Variants in UST observed in about 807,000 individuals in gnomAD.
UST encodes uronyl 2-sulfotransferase.
UST carries 21 observed loss-of-function variants against 45.6 expected under a neutral mutation model. The observed-to-expected ratio is 0.46, with a 90% confidence interval of 0.33 to 0.66. UST has a LOEUF of 0.66. Ranked by LOEUF, UST falls within the 30% of genes least tolerant of loss-of-function variation. The pLI is 0.02. For synonymous variants in UST, 215 were observed against 200.6 expected (o/e 1.07, Z -0.61); for missense variants, 463 against 512.4 (o/e 0.90, Z 0.93).
intron 5 of UST, among the ~76,000 whole-genome samples, chr6:149,002,321 C>A (rs1398907269): frequency 6.6e-6 from 1 of 151,754 alleles, no homozygotes; most frequent in Admixed American, 6.6e-5. Context: ...ATGTAAGGTG[C>A]AGAAATTAAG....
intron 5 of UST, among the ~76,000 whole-genome samples, chr6:149,018,422 G>A (rs2115018532): frequency 6.6e-6 from 1 of 152,260 alleles, no homozygotes; most frequent in South Asian, 2.1e-4. Flanking sequence ...ACCTGAGAAT[G>A]AGGCATGTCT....
intron 2 of UST, among the ~76,000 whole-genome samples, chr6:148,905,427 C>G (rs1359367173): frequency 6.6e-6 from 1 of 152,208 alleles, no homozygotes; most frequent in Admixed American, 6.5e-5. Flanking sequence ...TTCCTCCACT[C>G]CATGGAAACA....
At chr6:148,906,153 T>C (rs1202382130) in intron 2 of UST, among the ~76,000 whole-genome samples, 1 of 148,486 alleles carries the variant, frequency 6.7e-6, no homozygotes, top group East Asian at 1.9e-4. Flanking sequence ...ACGTGAAGCA[T>C]CACAGGTGAT....
At chr6:148,766,596 G>C (rs1776329479) in intron 1 of UST, among the ~76,000 whole-genome samples, 1 of 152,214 alleles carries the variant, frequency 6.6e-6, no homozygotes, top group African/African-American at 2.4e-5. Flanking sequence ...TGAACAGGGG[G>C]AGTTAAAAGA....
chr6:148,913,647 T>A (rs1202021918), intron 2 of UST, among the ~76,000 whole-genome samples: 2 of 152,126 alleles, frequency 1.3e-5, no homozygotes, highest in Non-Finnish European at 2.9e-5. Flanking sequence ...CTGATTCCAA[T>A]GCTTTGGCTT....
intron 5 of UST, among the ~76,000 whole-genome samples, chr6:148,984,513 T>C (rs1781201927): frequency 6.6e-6 from 1 of 152,178 alleles, no homozygotes; most frequent in East Asian, 1.9e-4. Context: ...CATGATAGGA[T>C]TTGCATTTAT....
intron 4 of UST, among the ~76,000 whole-genome samples, chr6:148,957,456 T>A (rs1383702067): frequency 6.6e-6 from 1 of 152,218 alleles, no homozygotes; most frequent in Non-Finnish European, 1.5e-5. Flanking sequence ...ACATTACTTT[T>A]TTTTGAGATG....
chr6:148,906,475 G>GT (rs1779363146), intron 2 of UST, among the ~76,000 whole-genome samples: 1 of 152,180 alleles, frequency 6.6e-6, no homozygotes, highest in African/African-American at 2.4e-5. Flanking sequence ...AATGGACAAG[G>GT]TATGAGGGTT....
intron 7 of UST, among the ~76,000 whole-genome samples, chr6:149,057,122 A>C (rs1776576149): frequency 6.6e-6 from 1 of 152,272 alleles, no homozygotes; most frequent in South Asian, 2.1e-4. Flanking sequence ...TGCATTTTGA[A>C]TTAACTATAA....
intron 1 of UST, among the ~76,000 whole-genome samples, chr6:148,844,686 G>A (rs759968791): frequency 8.6e-5 from 13 of 151,870 alleles, no homozygotes; most frequent in Non-Finnish European, 1.6e-4. Flanking sequence ...TTTTATTTTA[G>A]ATACAGGGGT....
intron 1 of UST, among the ~76,000 whole-genome samples, chr6:148,750,868 C>A (rs1775976680): frequency 6.6e-6 from 1 of 152,230 alleles, no homozygotes; most frequent in South Asian, 2.1e-4. Flanking sequence ...GTTGGTCGGA[C>A]TCGCATCTTC....
intron 1 of UST, among the ~76,000 whole-genome samples, chr6:148,832,627 G>A (rs1162316347): frequency 6.6e-6 from 1 of 152,214 alleles, no homozygotes; most frequent in Non-Finnish European, 1.5e-5. Flanking sequence ...TGGTGATTTA[G>A]TTGTTTGGAG....
chr6:149,011,478 G>T (rs553237876), intron 5 of UST, among the ~76,000 whole-genome samples: 2 of 152,306 alleles, frequency 1.3e-5, no homozygotes, highest in South Asian at 2.1e-4. Context: ...TAATTGGATT[G>T]TTTGTAATAC....
chr6:148,824,634 C>T (rs1018271120), intron 1 of UST, among the ~76,000 whole-genome samples: 5 of 150,876 alleles, frequency 3.3e-5, no homozygotes, highest in African/African-American at 7.3e-5. Flanking sequence ...TTTTCACTAC[C>T]GCTGAGTCAA....
At chr6:148,835,335 T>C (rs1777767404) in intron 1 of UST, among the ~76,000 whole-genome samples, 1 of 152,200 alleles carries the variant, frequency 6.6e-6, no homozygotes. Context: ...TAGATTTTGG[T>C]GTCTGTGGGG....
intron 7 of UST, among the ~76,000 whole-genome samples, chr6:149,052,444 T>A (rs895332138): frequency 1.3e-5 from 2 of 152,198 alleles, no homozygotes; most frequent in African/African-American, 4.8e-5. Flanking sequence ...TATTATTATG[T>A]CCATTGTACA....
chr6:148,860,538 C>G (rs952847825), intron 1 of UST, among the ~76,000 whole-genome samples: 1 of 152,138 alleles, frequency 6.6e-6, no homozygotes, highest in African/African-American at 2.4e-5. Context: ...CTATGTTGAA[C>G]AGGAGTGGTG....
chr6:149,037,595 C>G (rs1184313632), intron 7 of UST, among the ~76,000 whole-genome samples: 2 of 152,212 alleles, frequency 1.3e-5, no homozygotes, highest in Non-Finnish European at 2.9e-5. Flanking sequence ...AGTGGGGCCC[C>G]TGTGCCTGCG....
At chr6:148,874,350 A>G (rs1181262885) in intron 1 of UST, among the ~76,000 whole-genome samples, 2 of 152,208 alleles carry the variant, frequency 1.3e-5, no homozygotes, top group African/African-American at 2.4e-5. Flanking sequence ...GATTTAATGG[A>G]AAAAAAGATG....
Sources: allele counts gnomAD v4.1 joint callset (sites outside exome capture counted in the v4.1 genomes callset), GRCh38; gene constraint gnomAD v4.1.1; transcripts MANE v1.5; gene names NCBI Gene and HGNC (gene_info 2026-07-23, HGNC 2026-07-21).